STARD7: variants seen among roughly 807,000 people sequenced by gnomAD.
STARD7 encodes stAR-related lipid transfer protein 7, mitochondrial.
STARD7 carries 30 observed loss-of-function variants against 45.3 expected under a neutral mutation model. The observed-to-expected ratio is 0.66, with a 90% CI of 0.50 to 0.90. The LOEUF (loss-of-function observed/expected upper bound fraction) is 0.90. Among genes scored for constraint, STARD7 ranks in the 40% least tolerant of loss-of-function variants. STARD7 has a pLI of 0.00. For synonymous variants in STARD7, 199 were observed against 183.0 expected (o/e 1.09, Z -0.70); for missense variants, 495 against 491.3 (o/e 1.01, Z -0.07).
At chr2:96,197,100 A>AAACC (rs1162445956) in intron 1 of STARD7, among the ~76,000 whole-genome samples, 1 of 139,880 alleles carries the variant, frequency 7.1e-6, no homozygotes, top group Non-Finnish European at 1.6e-5. Context: ...ATAAAATAAA[A>AAACC]TAAAATAAAA....
intron 7 of STARD7, 91 bp downstream of exon 7, chr2:96,187,126 C>G: frequency 9.4e-7 from 1 of 1,059,850 alleles, no homozygotes; most frequent in Non-Finnish European, 1.4e-6. Context: ...AAAGAAGAAC[C>G]AGAAGAGACG....
intron 1 of STARD7, among the ~76,000 whole-genome samples, chr2:96,197,823 CAT>C (rs1391701792): frequency 6.6e-6 from 1 of 152,202 alleles, no homozygotes; most frequent in Non-Finnish European, 1.5e-5. Context: ...TAAATGGAAT[CAT>C]ATGATATGTA....
At chr2:96,193,441 GA>G in intron 3 of STARD7, 89 bp from the exon 4 acceptor site, 1 of 838,610 alleles carries the variant, frequency 1.2e-6, no homozygotes, top group East Asian at 2.4e-5. Flanking sequence ...TCTGATCCAA[GA>G]ATCTTATTAC....
At chr2:96,197,277 C>A (rs974843872) in intron 1 of STARD7, among the ~76,000 whole-genome samples, 25 of 148,672 alleles carry the variant, frequency 1.7e-4, no homozygotes, top group African/African-American at 5.7e-4. Flanking sequence ...TGGTGGTGGA[C>A]GCCTGTAATC....
chr2:96,194,149 A>G (rs956025188), intron 3 of STARD7, among the ~76,000 whole-genome samples: 2 of 152,200 alleles, frequency 1.3e-5, no homozygotes, highest in African/African-American at 4.8e-5. Flanking sequence ...ACTAGAGCCC[A>G]GGGAGTTCAA....
rs1318791259 is a variant in STARD7, at chr2:96,208,273, G to T, written c.162C>A (p.Arg54=). The T allele has an allele frequency of 1.2e-6, 2 of 1,611,488 alleles. No homozygotes were observed. Among genetic ancestry groups the T allele is most frequent in the Non-Finnish European group, 1.7e-6 (2 of 1,179,420 alleles). Residue 54 remains arginine (R), a synonymous_variant, in exon 1 of 8, where the codon CGC becomes CGA. Transcript: ENST00000337288. ...GCCAGAGGCGGCCGAGGAGAACGCG[G>T]CGTGAGCTCTCGGAGTAGAGGCGGC... ...LYGRLYSESS[R]RVLLGRLWRR... is the part of the protein sequence containing the mutation.
rs1364314061 is a variant in STARD7, at chr2:96,186,900, G to A, written c.943C>T (p.Leu315=). 6.2e-7 allele frequency: 1 copy of A among 1,612,710 alleles called. No homozygotes were observed. Among genetic ancestry groups the A allele is most frequent in the East Asian group, 2.2e-5 (1 of 44,858 alleles). Residue 315 remains leucine (L), a synonymous_variant, in exon 8 of 8, where the codon CTG becomes TTG. Coordinates refer to ENST00000337288, the MANE Select transcript of STARD7 (RefSeq NM_020151.4). ...AGAGTGGCCATGTGCAGCTTCTCCA[G>A]GAAATCTGGCATGCCTGTCAGGAGA... ...WMVSSGMPDF[L]EKLHMATLKA... is the part of the protein sequence containing the mutation.
chr2:96,192,604 G>A (rs1337125490), intron 5 of STARD7, 136 bp from the exon 6 acceptor site: 1 of 677,604 alleles, frequency 1.5e-6, no homozygotes, highest in East Asian at 2.6e-5. Context: ...TCACTAAGAT[G>A]AATAAATACA....
At chr2:96,197,108 A>ACGC (rs1558735881) in intron 1 of STARD7, among the ~76,000 whole-genome samples, 1 of 147,280 alleles carries the variant, frequency 6.8e-6, no homozygotes, top group Admixed American at 6.8e-5. Context: ...AAATAAAATA[A>ACGC]AATAAAATAA....
rs1053809285 is a variant in STARD7, at chr2:96,185,229, C to A, written c.*1501G>T. 1 of 152,602 alleles carries A rather than the reference C, an allele frequency of 6.6e-6. No individual in the cohort carries two copies. The highest frequency in any genetic ancestry group is 6.5e-5 in the Admixed American group (1 of 15,284). The allele number at this position is 152,602 out of a possible 1,614,324, so 9.5% of individuals were successfully genotyped here. On this transcript the variant is annotated 3_prime_UTR_variant, in exon 8 of 8. Transcript: ENST00000337288. ...ACTGCTCGATGCATCTCTCCTCTTC[C>A]AACAATGACGCGGAGAAGGCAAGAC... is the stretch of plus-strand genomic sequence containing the variant.
intron 2 of STARD7, 103 bp from the exon 3 acceptor site, chr2:96,195,110 A>C (rs1446662623): frequency 1.5e-4 from 158 of 1,086,414 alleles, no homozygotes; most frequent in South Asian, 1.3e-4. Flanking sequence ...AAGAGATCTT[A>C]AAGGCAGGTT....
chr2:96,207,200 T>C (rs1200514675), intron 1 of STARD7, among the ~76,000 whole-genome samples: 1 of 152,198 alleles, frequency 6.6e-6, no homozygotes, highest in African/African-American at 2.4e-5. Context: ...GTATAAACTT[T>C]ATTGGGGTAT....
rs1164242593 is a variant in STARD7, at chr2:96,186,215, G to A, written c.*515C>T. 6.6e-6 allele frequency: 1 copy of A among 152,466 alleles called. No homozygotes were observed. Among genetic ancestry groups the A allele is most frequent in the Non-Finnish European group, 1.5e-5 (1 of 68,066 alleles). 9.4% of individuals were successfully genotyped at this position (152,466 alleles called of 1,614,324 possible). ...ATGTCTCTAGAGATAAAAGCAAGGT[G>A]CGGACAAGGCACTTAACATAGCCAA... is the stretch of plus-strand genomic sequence containing the variant. On this transcript the variant is annotated 3_prime_UTR_variant, in exon 8 of 8. Coordinates refer to ENST00000337288, the MANE Select transcript of STARD7 (RefSeq NM_020151.4).
intron 1 of STARD7, among the ~76,000 whole-genome samples, chr2:96,207,435 C>T (rs1487500882): frequency 6.6e-6 from 1 of 152,164 alleles, no homozygotes; most frequent in East Asian, 1.9e-4. Flanking sequence ...CAAAGTTTCC[C>T]CATGACATTA....
intron 5 of STARD7, 93 bp downstream of exon 5, chr2:96,192,985 T>C: frequency 1.1e-6 from 1 of 887,952 alleles, no homozygotes; most frequent in Non-Finnish European, 1.8e-6. Context: ...TGTGGGAGAC[T>C]CATAGGACAC....
At position 96,208,034 on chromosome 2, in the gene STARD7, T is replaced by G. The variant is rs898721251; in HGVS notation, c.290+111A>C. The G allele has an allele frequency of 1.9e-5, 19 of 1,009,238 alleles. 1 individual carries two copies. Among genetic ancestry groups the G allele is most frequent in the Non-Finnish European group, 2.7e-5 (19 of 705,718 alleles). The allele number at this position is 1,009,238 out of a possible 1,614,324, so 62.5% of individuals were successfully genotyped here. A position where few individuals can be genotyped will look rare whatever the true frequency, so the allele number is the denominator to read the frequency against. On this transcript the variant is annotated intron_variant, in intron 1 of 7. Transcript: ENST00000337288. Reference sequence around the variant, plus strand: ...CTGAAGCAGGTTCAATCGACTGTATTGCCAATTAAAAGACCACCGGGTAAA... The same window carrying G: ...CTGAAGCAGGTTCAATCGACTGTATGGCCAATTAAAAGACCACCGGGTAAA...
Position 96,208,624 on chromosome 2 carries a change from C to T in STARD7, c.-190G>A, listed in dbSNP as rs148639561. ...GAAGAGTCTCCTCTGAGGGGAGAGT[C>T]GGTCATGGCAGCAGACGCCGGGATG... On this transcript the variant is annotated 5_prime_UTR_variant, in exon 1 of 8. Coordinates refer to ENST00000337288, the MANE Select transcript of STARD7 (RefSeq NM_020151.4). 1.6e-3 allele frequency: 775 copies of T among 487,248 alleles called. 9 individuals are homozygous for T. The East Asian group carries it at 0.027, about 17-fold the overall frequency. 30.2% of individuals were successfully genotyped at this position (487,248 alleles called of 1,614,324 possible). A position where few individuals can be genotyped will look rare whatever the true frequency, so the allele number is the denominator to read the frequency against.
chr2:96,200,528 T>C (rs1029871455), intron 1 of STARD7, among the ~76,000 whole-genome samples: 1 of 152,178 alleles, frequency 6.6e-6, no homozygotes, highest in Non-Finnish European at 1.5e-5. Flanking sequence ...AGAATACAAC[T>C]GGAAAAAGGT....
chr2:96,197,095 A>AAACTAAACTAAACTAAACC (rs1558735851), intron 1 of STARD7, among the ~76,000 whole-genome samples: 1 of 139,186 alleles, frequency 7.2e-6, no homozygotes, highest in Non-Finnish European at 1.6e-5. Flanking sequence ...ATAAAATAAA[A>AAACTAAACTAAACTAAACC]TAAAATAAAA....
Sources: gnomAD v4.1 joint callset for allele counts (sites outside exome capture counted in the v4.1 genomes callset) on GRCh38, gnomAD v4.1.1 for gene constraint, MANE v1.5 for transcripts, NCBI Gene and HGNC (gene_info 2026-07-23, HGNC 2026-07-21) for gene names.